FMNL2: variants seen among roughly 807,000 people sequenced by gnomAD.
FMNL2 encodes formin like 2.
In FMNL2, 51 loss-of-function variants were observed where a neutral mutation model predicts 130.2. The observed-to-expected ratio is 0.39, with a 90% CI of 0.31 to 0.49. The LOEUF (loss-of-function observed/expected upper bound fraction) is 0.49. Ranked by LOEUF, FMNL2 falls within the 20% of genes least tolerant of loss-of-function variation. The pLI, the probability that FMNL2 is intolerant of heterozygous loss-of-function variation, is 0.85. For missense variants in FMNL2, 977 were observed against 1,316.2 expected (o/e 0.74, Z 3.99); for synonymous variants, 465 against 467.1 (o/e 1.00, Z 0.06).
At chr2:152,565,044 G>A (rs996522778) in intron 6 of FMNL2, among the ~76,000 whole-genome samples, 4 of 152,018 alleles carry the variant, frequency 2.6e-5, no homozygotes, top group Admixed American at 2.6e-4. Flanking sequence ...GTTAAGATAG[G>A]TTTCTGTCAG....
At chr2:152,491,149 C>A (rs1166022027) in intron 1 of FMNL2, among the ~76,000 whole-genome samples, 1 of 152,138 alleles carries the variant, frequency 6.6e-6, no homozygotes, top group Non-Finnish European at 1.5e-5. Context: ...TCCCCACTCC[C>A]ATTGTTATGT....
At chr2:152,342,028 A>G (rs1376325053) in intron 1 of FMNL2, among the ~76,000 whole-genome samples, 2 of 152,164 alleles carry the variant, frequency 1.3e-5, no homozygotes, top group African/African-American at 4.8e-5. Context: ...GAATTATAAC[A>G]CCTGAGAGTG....
chr2:152,478,907 T>A (rs1208211124), intron 1 of FMNL2, among the ~76,000 whole-genome samples: 1 of 152,130 alleles, frequency 6.6e-6, no homozygotes, highest in East Asian at 1.9e-4. Context: ...AAAACTACAG[T>A]ATATGCTTGA....
At chr2:152,376,799 T>C (rs1003853757) in intron 1 of FMNL2, among the ~76,000 whole-genome samples, 2 of 152,240 alleles carry the variant, frequency 1.3e-5, no homozygotes, top group Non-Finnish European at 2.9e-5. Flanking sequence ...ACCCACCTTG[T>C]CATTGCTTTC....
At chr2:152,500,735 C>T (rs953227599) in intron 1 of FMNL2, among the ~76,000 whole-genome samples, 4 of 152,092 alleles carry the variant, frequency 2.6e-5, no homozygotes. Flanking sequence ...GTAATTCTAG[C>T]TACTCGGGAG....
intron 6 of FMNL2, among the ~76,000 whole-genome samples, chr2:152,567,816 T>G (rs1387184459): frequency 2.0e-5 from 3 of 152,214 alleles, no homozygotes; most frequent in Admixed American, 6.5e-5. Context: ...AGGTAGATAT[T>G]AGTTTGAGAT....
intron 9 of FMNL2, among the ~76,000 whole-genome samples, chr2:152,586,763 C>G (rs1697100991): frequency 7.2e-6 from 1 of 139,250 alleles, no homozygotes; most frequent in African/African-American, 3.4e-5. Flanking sequence ...AAGCAAAGTC[C>G]TAGTCTTAAT....
In FMNL2 at chr2:152,540,769, C is replaced by G. The variant is rs369919186; in HGVS notation, c.202-1970C>G. Among the ~76,000 whole-genome samples, 73 of 151,944 alleles carry G rather than the reference C, an allele frequency of 4.8e-4. No individual in the cohort carries two copies. In the East Asian group the frequency reaches 0.013, roughly 27 times the overall value. On this transcript the variant is annotated intron_variant, in intron 2 of 25. Coordinates refer to ENST00000288670, the MANE Select transcript of FMNL2 (RefSeq NM_052905.4). Reference sequence around the variant, plus strand: ...TGACGAGTTAGTGGGTGCAGCGCACCAGCATGGCACACGTATACATATGTA... The same window carrying G: ...TGACGAGTTAGTGGGTGCAGCGCACGAGCATGGCACACGTATACATATGTA...
Position 152,619,564 on chromosome 2 carries a change from ACCTCCTCCTCCCCCACCG to A in FMNL2, c.1686_1703del (p.Pro568_Pro573del). 3 of 709,530 alleles carry A rather than the reference ACCTCCTCCTCCCCCACCG, an allele frequency of 4.2e-6. No homozygotes were observed. The highest frequency in any genetic ancestry group is 5.6e-6 in the Non-Finnish European group (3 of 536,734). The allele number at this position is 709,530 out of a possible 1,614,324, so 44.0% of individuals were successfully genotyped here. On this transcript the variant is annotated inframe_deletion, in exon 15 of 26. Transcript: ENST00000288670. ...CACCGCCGCCGCCGCCCCCTCCTCC[ACCTCCTCCTCCCCCACCG>A]CCCCCTCCGCCTCCTCCTCTCCCAG...
intron 1 of FMNL2, among the ~76,000 whole-genome samples, chr2:152,354,781 A>G (rs1682694190): frequency 6.6e-6 from 1 of 152,200 alleles, no homozygotes; most frequent in Non-Finnish European, 1.5e-5. Flanking sequence ...GTGAGATAAA[A>G]GAATATTTGA....
intron 2 of FMNL2, among the ~76,000 whole-genome samples, chr2:152,531,870 A>G (rs1465403019): frequency 3.9e-5 from 6 of 152,160 alleles, no homozygotes; most frequent in African/African-American, 1.4e-4. Context: ...ATGTTTTAGA[A>G]GGAGAATATT....
chr2:152,486,591 G>A (rs895784858), intron 1 of FMNL2, among the ~76,000 whole-genome samples: 2 of 152,190 alleles, frequency 1.3e-5, no homozygotes, highest in African/African-American at 4.8e-5. Flanking sequence ...GAATTCAGAT[G>A]TTAAGATCTT....
At chr2:152,629,384 T>C (rs1183488998) in intron 18 of FMNL2, among the ~76,000 whole-genome samples, 1 of 152,222 alleles carries the variant, frequency 6.6e-6, no homozygotes, top group Non-Finnish European at 1.5e-5. Context: ...GTCTTAGTGG[T>C]TGTAGATTGG....
chr2:152,514,881 T>C (rs923157098), intron 1 of FMNL2, among the ~76,000 whole-genome samples: 1 of 152,186 alleles, frequency 6.6e-6, no homozygotes, highest in African/African-American at 2.4e-5. Flanking sequence ...GTGAGGCTAC[T>C]GTACATACAT....
At chr2:152,643,595 G>A in intron 25 of FMNL2, 1 of 1,519,910 alleles carries the variant, frequency 6.6e-7, no homozygotes, top group South Asian at 1.2e-5. Context: ...TGTCTGTCAG[G>A]GCCCACCAAC....
intron 25 of FMNL2, among the ~76,000 whole-genome samples, chr2:152,645,703 T>C (rs1186203303): frequency 6.6e-6 from 1 of 151,902 alleles, no homozygotes; most frequent in Non-Finnish European, 1.5e-5. Flanking sequence ...TGCTTTTAAG[T>C]TCTAAGTGTG....
intron 8 of FMNL2, 40 bp downstream of exon 8, chr2:152,579,004 G>T: frequency 1.3e-6 from 2 of 1,515,782 alleles, no homozygotes; most frequent in South Asian, 2.3e-5. Flanking sequence ...AATCTATCTA[G>T]AGAAAACAGA....
At chr2:152,621,017 G>A (rs564942531) in intron 15 of FMNL2, 28 of 985,346 alleles carry the variant, frequency 2.8e-5, no homozygotes, top group Admixed American at 6.1e-5. Flanking sequence ...TGGAACTGAT[G>A]GACTATGGAA....
At chr2:152,509,320 G>T (rs1330404526) in intron 1 of FMNL2, among the ~76,000 whole-genome samples, 2 of 151,816 alleles carry the variant, frequency 1.3e-5, no homozygotes, top group Non-Finnish European at 2.9e-5. Context: ...ATTATTTAAT[G>T]TTATAGTTGT....
Sources: gnomAD v4.1 joint callset for allele counts (sites outside exome capture counted in the v4.1 genomes callset) on GRCh38, gnomAD v4.1.1 for gene constraint, MANE v1.5 for transcripts, NCBI Gene and HGNC (gene_info 2026-07-23, HGNC 2026-07-21) for gene names.